Variants in KCTD16 observed in about 807,000 individuals in gnomAD.
KCTD16 encodes BTB/POZ domain-containing protein KCTD16.
A neutral mutation model predicts 33.2 loss-of-function variants in KCTD16; 13 were observed. The ratio of observed to expected loss-of-function variants is 0.39; its 90% CI spans 0.25 to 0.62. KCTD16 has a LOEUF of 0.62. KCTD16 is among the 20% of genes least tolerant of loss of function. KCTD16 has a pLI of 0.50. For synonymous variants in KCTD16, 197 were observed against 195.3 expected, an observed-to-expected ratio of 1.01 and a Z score of -0.07; for missense variants, 441 against 525.1, an observed-to-expected ratio of 0.84 and a Z score of 1.57.
chr5:144,317,685 C>G lies in KCTD16; in HGVS notation c.832+110139C>G, dbSNP rs891475844. 1.4e-4 allele frequency among the ~76,000 whole-genome samples: 21 copies of G among 152,150 alleles called. 1 individual carries two copies. The highest frequency in any genetic ancestry group is 1.5e-5 in the Non-Finnish European group (1 of 68,032). On this transcript the variant is annotated intron_variant, in intron 3 of 3. Transcript: ENST00000512467. ...CCTTTCCTATCCTACTAAGAAAATC[C>G]CTTCAAATCCTTGGTTGGGTCTCCT... is the stretch of plus-strand genomic sequence containing the variant.
intron 3 of KCTD16, among the ~76,000 whole-genome samples, chr5:144,225,249 T>C (rs961336393): frequency 2.0e-5 from 3 of 152,096 alleles, no homozygotes; most frequent in African/African-American, 7.2e-5. Flanking sequence ...TCTTTTCCTC[T>C]TCAAATTTCA....
chr5:144,222,891 C>A (rs536060668), intron 3 of KCTD16, among the ~76,000 whole-genome samples: 1 of 152,230 alleles, frequency 6.6e-6, no homozygotes, highest in African/African-American at 2.4e-5. Flanking sequence ...TGGAACCAAC[C>A]CAAATGTCCA....
chr5:144,372,201 GCTT>G (rs1195687752), intron 3 of KCTD16, among the ~76,000 whole-genome samples: 1 of 145,744 alleles, frequency 6.9e-6, no homozygotes, highest in Non-Finnish European at 1.5e-5. Flanking sequence ...ACCCCTCTGT[GCTT>G]CTTTTTTTTT....
At chr5:144,392,918 G>A (rs1380441171) in intron 3 of KCTD16, among the ~76,000 whole-genome samples, 2 of 152,112 alleles carry the variant, frequency 1.3e-5, no homozygotes, top group African/African-American at 4.8e-5. Context: ...TAAGAAGGGA[G>A]TACACCTTTG....
chr5:144,196,164 C>T (rs973971217), intron 2 of KCTD16, among the ~76,000 whole-genome samples: 1 of 152,154 alleles, frequency 6.6e-6, no homozygotes, highest in Admixed American at 6.5e-5. Context: ...TGCTGGACTC[C>T]AGCAATCTTA....
chr5:144,390,205 G>T (rs1399571761), intron 3 of KCTD16, among the ~76,000 whole-genome samples: 1 of 152,136 alleles, frequency 6.6e-6, no homozygotes, highest in African/African-American at 2.4e-5. Flanking sequence ...ATTTATCATG[G>T]CTATCTGCCC....
chr5:144,400,006 G>A (rs1010204691), intron 3 of KCTD16, among the ~76,000 whole-genome samples: 1 of 152,180 alleles, frequency 6.6e-6, no homozygotes, highest in African/African-American at 2.4e-5. Flanking sequence ...AAGTAGACAT[G>A]ATGGTGGTCT....
intron 2 of KCTD16, among the ~76,000 whole-genome samples, chr5:144,198,506 T>C (rs1752978147): frequency 6.6e-6 from 1 of 152,224 alleles, no homozygotes. Flanking sequence ...GTGTTTGCCC[T>C]TCTTACTTCC....
intron 3 of KCTD16, among the ~76,000 whole-genome samples, chr5:144,295,534 G>C (rs1756012589): frequency 6.6e-6 from 1 of 152,160 alleles, no homozygotes; most frequent in Non-Finnish European, 1.5e-5. Context: ...TCTGACAGGA[G>C]AGGTAGTTTT....
At chr5:144,286,402 G>A (rs1340951366) in intron 3 of KCTD16, among the ~76,000 whole-genome samples, 2 of 152,098 alleles carry the variant, frequency 1.3e-5, no homozygotes, top group African/African-American at 4.8e-5. Flanking sequence ...TTTCTCAAAA[G>A]CCTCTAAGAT....
chr5:144,317,432 G>A (rs1751949788), intron 3 of KCTD16, among the ~76,000 whole-genome samples: 1 of 152,150 alleles, frequency 6.6e-6, no homozygotes, highest in Non-Finnish European at 1.5e-5. Flanking sequence ...AGATTTCTGG[G>A]CCTCAGACTC....
rs1444940456 is a variant in KCTD16, at chr5:144,482,633, A to G, written c.*8519A>G. On this transcript the variant is annotated 3_prime_UTR_variant, in exon 4 of 4. Transcript: ENST00000512467. ...CTCATTGTTACTGTTATAAGTTGGG[A>G]AAAAGAGAGGCAGCTTTAGAAAAGA... 6.6e-6 allele frequency: 1 copy of G among 151,814 alleles called. No homozygotes were observed. The highest frequency in any genetic ancestry group is 1.5e-5 in the Non-Finnish European group (1 of 67,874). The allele number at this position is 151,814 out of a possible 1,614,324, so 9.4% of individuals were successfully genotyped here.
intron 3 of KCTD16, among the ~76,000 whole-genome samples, chr5:144,454,658 C>T (rs1754020853): frequency 6.6e-6 from 1 of 152,102 alleles, no homozygotes; most frequent in East Asian, 1.9e-4. Flanking sequence ...TCATGGATAG[C>T]TCAACTTTGA....
chr5:144,438,341 A>G (rs756947397), intron 3 of KCTD16, among the ~76,000 whole-genome samples: 1 of 152,244 alleles, frequency 6.6e-6, no homozygotes, highest in Non-Finnish European at 1.5e-5. Flanking sequence ...ACATAGCTGA[A>G]AAGCACAGGA....
At chr5:144,322,688 G>A (rs573088731) in intron 3 of KCTD16, among the ~76,000 whole-genome samples, 20 of 151,020 alleles carry the variant, frequency 1.3e-4, no homozygotes, top group African/African-American at 4.9e-4. Flanking sequence ...ATTGTGGGTG[G>A]TGCTTCTCAC....
At chr5:144,367,729 G>T (rs1466509482) in intron 3 of KCTD16, among the ~76,000 whole-genome samples, 1 of 149,314 alleles carries the variant, frequency 6.7e-6, no homozygotes, top group Non-Finnish European at 1.5e-5. Flanking sequence ...CAGAATCAGG[G>T]GATTCATGTG....
intron 3 of KCTD16, among the ~76,000 whole-genome samples, chr5:144,424,101 A>C (rs1753270331): frequency 6.6e-6 from 1 of 152,136 alleles, no homozygotes; most frequent in Non-Finnish European, 1.5e-5. Flanking sequence ...CAACTCAGAT[A>C]CTCTGACTCT....
intron 3 of KCTD16, among the ~76,000 whole-genome samples, chr5:144,307,157 G>A (rs1180001367): frequency 6.6e-6 from 1 of 152,074 alleles, no homozygotes; most frequent in African/African-American, 2.4e-5. Flanking sequence ...CTTTTCCAAG[G>A]TGCCCTTTCT....
At chr5:144,301,513 T>A (rs1307993474) in intron 3 of KCTD16, among the ~76,000 whole-genome samples, 1 of 152,196 alleles carries the variant, frequency 6.6e-6, no homozygotes, top group Non-Finnish European at 1.5e-5. Context: ...ATAATTTTTG[T>A]TGTGCTTATA....
Sources: allele counts gnomAD v4.1 joint callset (sites outside exome capture counted in the v4.1 genomes callset), GRCh38; gene constraint gnomAD v4.1.1; transcripts MANE v1.5; gene names NCBI Gene and HGNC (gene_info 2026-07-23, HGNC 2026-07-21).